The following MARK3 variants were observed in gnomAD, a reference collection of about 807,000 sequenced individuals.
MARK3 encodes microtubule affinity regulating kinase 3.
Under a neutral mutation model 90.1 loss-of-function variants are expected in MARK3, and 46 were observed. The observed-to-expected ratio is 0.51, with a 90% CI of 0.40 to 0.65. The LOEUF is 0.65. Among genes scored for constraint, MARK3 ranks in the 30% least tolerant of loss-of-function variants. MARK3 has a pLI of 0.00. For missense variants in MARK3, 818 were observed against 947.2 expected (o/e 0.86, Z 1.79); for synonymous variants, 321 against 332.6 (o/e 0.97, Z 0.38).
Position 103,457,221 on chromosome 14 carries a change from T to A in MARK3, c.483+9T>A. On this transcript the variant is annotated intron_variant, in intron 6 of 17. Coordinates refer to ENST00000429436, the MANE Select transcript of MARK3 (RefSeq NM_001128918.3). ...GATCTAAATTTAGACAGGTATGAATTAATGTGTCTTTACTATGTCAATTTG... is the reference window on the plus strand; with the variant it reads ...GATCTAAATTTAGACAGGTATGAATAAATGTGTCTTTACTATGTCAATTTG... 1.3e-6 allele frequency: 2 copies of A among 1,577,708 alleles called. No homozygotes were observed. The highest frequency in any genetic ancestry group is 1.7e-6 in the Non-Finnish European group (2 of 1,147,658).
intron 12 of MARK3, among the ~76,000 whole-genome samples, chr14:103,474,077 C>T (rs967518538): frequency 1.3e-5 from 2 of 150,878 alleles, no homozygotes; most frequent in South Asian, 2.1e-4. Context: ...AGTTGGCATG[C>T]GCCTGTAGTT....
chr14:103,419,329 A>G (rs532678517), intron 2 of MARK3, among the ~76,000 whole-genome samples: 1 of 152,130 alleles, frequency 6.6e-6, no homozygotes, highest in Admixed American at 6.6e-5. Flanking sequence ...GAACTCCCCA[A>G]AGCTTTTATT....
chr14:103,395,496 G>C (rs962255395), intron 1 of MARK3, among the ~76,000 whole-genome samples: 34 of 152,150 alleles, frequency 2.2e-4, no homozygotes, highest in African/African-American at 7.7e-4. Flanking sequence ...CTTGTGTTCT[G>C]TCTGTCTGTT....
intron 14 of MARK3, 69 bp downstream of exon 14, chr14:103,480,559 G>T: frequency 1.1e-6 from 1 of 875,032 alleles, no homozygotes; most frequent in East Asian, 2.5e-5. Flanking sequence ...GTTATTTACT[G>T]CTTTGTTCTT....
intron 2 of MARK3, among the ~76,000 whole-genome samples, chr14:103,409,650 T>C (rs1005537167): frequency 6.6e-6 from 1 of 152,158 alleles, no homozygotes; most frequent in Non-Finnish European, 1.5e-5. Context: ...CAGAGTTTTT[T>C]ATATAGACAT....
At chr14:103,456,006 G>T (rs963047390) in intron 5 of MARK3, among the ~76,000 whole-genome samples, 1 of 152,102 alleles carries the variant, frequency 6.6e-6, no homozygotes, top group Non-Finnish European at 1.5e-5. Flanking sequence ...GATTTCAGAG[G>T]TGGTGATTCT....
At chr14:103,444,468 A>T (rs535007947) in intron 3 of MARK3, among the ~76,000 whole-genome samples, 2 of 152,334 alleles carry the variant, frequency 1.3e-5, no homozygotes, top group South Asian at 4.1e-4. Flanking sequence ...GAATGTGGAG[A>T]AATAAGTTGT....
Position 103,503,283 on chromosome 14 carries a change from T to C in MARK3, c.*56T>C. 1 of 1,336,452 alleles carries C rather than the reference T, an allele frequency of 7.5e-7. No homozygotes were observed. Among genetic ancestry groups the C allele is most frequent in the East Asian group, 2.3e-5 (1 of 43,270 alleles). The allele number at this position is 1,336,452 out of a possible 1,614,324, so 82.8% of individuals were successfully genotyped here. A position where few individuals can be genotyped will look rare whatever the true frequency, so the allele number is the denominator to read the frequency against. Reference sequence around the variant, plus strand: ...ATTAAAGTGTTTTCCTGAACACTGATGGAAATGTATAGAATAATATTTAGG... The same window carrying C: ...ATTAAAGTGTTTTCCTGAACACTGACGGAAATGTATAGAATAATATTTAGG... On this transcript the variant is annotated 3_prime_UTR_variant, in exon 18 of 18. Coordinates refer to ENST00000429436, the MANE Select transcript of MARK3 (RefSeq NM_001128918.3).
At chr14:103,455,575 AAAAT>A in intron 5 of MARK3, among the ~76,000 whole-genome samples, 1 of 152,046 alleles carries the variant, frequency 6.6e-6, no homozygotes, top group South Asian at 2.1e-4. Flanking sequence ...TAAAAATACA[AAAAT>A]TAGCCGGGTG....
intron 3 of MARK3, among the ~76,000 whole-genome samples, chr14:103,446,140 TG>T (rs1484577721): frequency 3.3e-5 from 5 of 152,180 alleles, no homozygotes; most frequent in Non-Finnish European, 2.9e-5. Flanking sequence ...AGATGGGCTA[TG>T]ATGTAAAACA....
At chr14:103,426,433 G>GA (rs1413908023) in intron 2 of MARK3, among the ~76,000 whole-genome samples, 15 of 152,206 alleles carry the variant, frequency 9.9e-5, no homozygotes, top group Admixed American at 2.6e-4. Flanking sequence ...CTCATTCCCT[G>GA]GACTTTGGCT....
At chr14:103,452,131 C>G (rs141549321) in intron 5 of MARK3, 148 bp downstream of exon 5, 291 of 555,196 alleles carry the variant, frequency 5.2e-4, no homozygotes, top group Middle Eastern at 4.2e-3. Flanking sequence ...AAAGCTGACT[C>G]TTAGCACTTC....
intron 15 of MARK3, among the ~76,000 whole-genome samples, chr14:103,496,389 T>C (rs1009884633): frequency 2.0e-5 from 3 of 150,722 alleles, no homozygotes; most frequent in African/African-American, 7.3e-5. Context: ...AAGACCAGCC[T>C]GGACAACATA....
In MARK3 at chr14:103,479,750, AGCCTCCTG is replaced by A. The variant is rs1188915167; in HGVS notation, c.1483-628_1483-621del. On this transcript the variant is annotated intron_variant, in intron 13 of 17. Transcript: ENST00000429436. ...CAGGTTTAAGTGATTCTCCTACCTC[AGCCTCCTG>A]GCCTCCTGAGTAGCTGGGATTACAG... is the stretch of plus-strand genomic sequence containing the variant. Among the ~76,000 whole-genome samples, 14 of 147,862 alleles carry A rather than the reference AGCCTCCTG, an allele frequency of 9.5e-5. 1 individual carries two copies. Among genetic ancestry groups the A allele is most frequent in the African/African-American group, 3.3e-4 (13 of 39,976 alleles).
chr14:103,460,007 A>G lies in MARK3; in HGVS notation c.484-2398A>G, dbSNP rs184266284. 3.1e-4 allele frequency among the ~76,000 whole-genome samples: 43 copies of G among 137,680 alleles called. No homozygotes were observed. In the Middle Eastern group the frequency reaches 0.011, roughly 37 times the overall value. 90.3% of individuals were successfully genotyped at this position (137,680 alleles called of 152,430 possible). On this transcript the variant is annotated intron_variant, in intron 6 of 17. Coordinates refer to ENST00000429436, the MANE Select transcript of MARK3 (RefSeq NM_001128918.3). The stretch of plus-strand genomic sequence containing the variant: ...ACCATGCCCATCCTAGTTACTGCTT[A>G]TGACATTTTAATTTTTTGGTTGAGC...
intron 12 of MARK3, among the ~76,000 whole-genome samples, chr14:103,470,865 A>G (rs1484887979): frequency 1.3e-5 from 2 of 152,286 alleles, no homozygotes; most frequent in Admixed American, 1.3e-4. Context: ...TTGATTTTGT[A>G]CTAAAAATGA....
At chr14:103,433,093 C>CTTTTTT (rs1285320294) in intron 3 of MARK3, among the ~76,000 whole-genome samples, 1,968 of 117,926 alleles carry the variant, frequency 0.017, 32 homozygotes, top group South Asian at 0.042. Context: ...CTTTTCTTTT[C>CTTTTTT]TTTTTTTTTT....
intron 17 of MARK3, among the ~76,000 whole-genome samples, chr14:103,502,455 A>G (rs866392073): frequency 6.6e-6 from 1 of 152,216 alleles, no homozygotes; most frequent in Non-Finnish European, 1.5e-5. Context: ...AGTGATTCAC[A>G]TCTGAAAGAA....
At chr14:103,501,239 A>C (rs2075646286) in intron 17 of MARK3, among the ~76,000 whole-genome samples, 1 of 152,186 alleles carries the variant, frequency 6.6e-6, no homozygotes, top group Admixed American at 6.5e-5. Context: ...TGCCCCATCA[A>C]GGCAGAGCAC....
Sources: allele counts gnomAD v4.1 joint callset (sites outside exome capture counted in the v4.1 genomes callset), GRCh38; gene constraint gnomAD v4.1.1; transcripts MANE v1.5; gene names NCBI Gene and HGNC (gene_info 2026-07-23, HGNC 2026-07-21).